VCL: variants seen among roughly 807,000 people sequenced by gnomAD.
The protein encoded by VCL is epididymis luminal protein 114.
VCL carries 47 observed loss-of-function variants against 125.7 expected under a neutral mutation model. The observed-to-expected ratio is 0.37, with a 90% CI of 0.30 to 0.48. The LOEUF (loss-of-function observed/expected upper bound fraction) is 0.48, where lower values mean the gene tolerates loss of function less well. Ranked by LOEUF, VCL falls within the 20% of genes least tolerant of loss-of-function variation. The pLI, the probability that VCL is intolerant of heterozygous loss-of-function variation, is 0.99. For synonymous variants in VCL, 458 were observed against 514.6 expected, an observed-to-expected ratio of 0.89 and a Z score of 1.49; for missense variants, 1,069 against 1,455.5, an observed-to-expected ratio of 0.73 and a Z score of 4.32.
chr10:74,088,216 C>A (rs1364101602), intron 8 of VCL, among the ~76,000 whole-genome samples: 3 of 152,066 alleles, frequency 2.0e-5, no homozygotes, highest in African/African-American at 7.2e-5. Flanking sequence ...AAAATGAGGG[C>A]AAATCATACT....
In VCL at chr10:74,074,312, T is replaced by G. The variant is rs115869010; in HGVS notation, c.623-431T>G. Among the ~76,000 whole-genome samples, 508 of 152,316 alleles carry G rather than the reference T, an allele frequency of 3.3e-3. 1 individual carries two copies. Among genetic ancestry groups the G allele is most frequent in the African/African-American group, 0.011 (474 of 41,572 alleles). ...TTGAGAGAAATCTCGGATGATAAAC[T>G]TGACATCTTGGGATCTTCTGCTGGG... On this transcript the variant is annotated intron_variant, in intron 5 of 21. Transcript: ENST00000211998.
At chr10:74,036,091 A>C (rs765010231) in intron 1 of VCL, among the ~76,000 whole-genome samples, 2 of 152,196 alleles carry the variant, frequency 1.3e-5, no homozygotes, top group Non-Finnish European at 2.9e-5. Flanking sequence ...AGACATGACT[A>C]TATTTATTAT....
intron 9 of VCL, 69 bp downstream of exon 9, chr10:74,089,418 C>A: frequency 6.3e-7 from 1 of 1,595,426 alleles, no homozygotes; most frequent in South Asian, 1.1e-5. Flanking sequence ...AATATCCTAT[C>A]TTTCTTCTCT....
chr10:74,096,179 T>C (rs1839966373), intron 12 of VCL, among the ~76,000 whole-genome samples: 1 of 151,598 alleles, frequency 6.6e-6, no homozygotes, highest in Non-Finnish European at 1.5e-5. Context: ...TGGACTTCTT[T>C]TTAAAACTTA....
In VCL at chr10:74,118,276, T is replaced by A. The variant is rs76086805; in HGVS notation, c.*107T>A. On this transcript the variant is annotated 3_prime_UTR_variant, in exon 22 of 22. Coordinates refer to ENST00000211998, the MANE Select transcript of VCL (RefSeq NM_014000.3). Reference sequence around the variant, plus strand: ...TGCTGGGAGCTGAAAAATCACATCCTGGCCTGGCACATCAGAAAGGAATGG... The same window carrying A: ...TGCTGGGAGCTGAAAAATCACATCCAGGCCTGGCACATCAGAAAGGAATGG... 814 of 1,420,736 alleles carry A rather than the reference T, an allele frequency of 5.7e-4. 5 individuals carry two copies. In the East Asian group the frequency reaches 0.017, roughly 29 times the overall value. 88.0% of individuals were successfully genotyped at this position (1,420,736 alleles called of 1,614,324 possible). A position where few individuals can be genotyped will look rare whatever the true frequency, so the allele number is the denominator to read the frequency against.
intron 1 of VCL, among the ~76,000 whole-genome samples, chr10:74,017,673 CT>C (rs1840576763): frequency 6.6e-6 from 1 of 151,948 alleles, no homozygotes. Flanking sequence ...CCACCTCAGC[CT>C]CCCAAGTAGC....
Position 74,097,566 on chromosome 10 carries a change from G to T in VCL, c.1872+234G>T, listed in dbSNP as rs952019048. On this transcript the variant is annotated intron_variant, in intron 13 of 21. Coordinates refer to ENST00000211998, the MANE Select transcript of VCL (RefSeq NM_014000.3). This position sits in a 1 kb window ranked among gnomAD's most constrained non-coding sequence, Gnocchi z 4.1. ...CTGACCATCAGAGATGAAAACAACC[G>T]GGTTTGTTTTCATCACAAACCAAGA... 6.6e-6 allele frequency among the ~76,000 whole-genome samples: 1 copy of T among 152,122 alleles called. No individual in the cohort carries two copies. The highest frequency in any genetic ancestry group is 2.4e-5 in the African/African-American group (1 of 41,430).
At chr10:74,004,488 A>C (rs560149913) in intron 1 of VCL, among the ~76,000 whole-genome samples, 2 of 152,306 alleles carry the variant, frequency 1.3e-5, no homozygotes, top group East Asian at 3.9e-4. Flanking sequence ...ACATCTACTT[A>C]GAGCAAAGTT....
intron 13 of VCL, among the ~76,000 whole-genome samples, chr10:74,100,555 A>G (rs1840035608): frequency 1.3e-5 from 2 of 152,168 alleles, no homozygotes; most frequent in South Asian, 4.1e-4. Context: ...CCTACAATAG[A>G]GCCTGGAGTG....
intron 1 of VCL, among the ~76,000 whole-genome samples, chr10:74,040,293 C>T (rs1181913448): frequency 6.6e-6 from 1 of 152,166 alleles, no homozygotes; most frequent in Non-Finnish European, 1.5e-5. Context: ...TCTCTACTAC[C>T]TAAACAGTAC....
At chr10:74,059,079 G>A (rs986040694) in intron 2 of VCL, among the ~76,000 whole-genome samples, 3 of 152,072 alleles carry the variant, frequency 2.0e-5, no homozygotes, top group Non-Finnish European at 4.4e-5. Context: ...AGGTAAAAAT[G>A]ACTCCTCCAG....
chr10:74,061,032 T>TTAACTAAAGTATCTAA (rs1239537135), intron 2 of VCL, among the ~76,000 whole-genome samples: 1 of 152,124 alleles, frequency 6.6e-6, no homozygotes, highest in Non-Finnish European at 1.5e-5. Context: ...AGTTGATTGA[T>TTAACTAAAGTATCTAA]TTAAATTATC....
chr10:74,059,314 C>T (rs1477712856), intron 2 of VCL, among the ~76,000 whole-genome samples: 1 of 151,792 alleles, frequency 6.6e-6, no homozygotes, highest in Admixed American at 6.6e-5. Context: ...TGAGATCGCA[C>T]CACTGCACTC....
chr10:74,035,446 A>G (rs1840956325), intron 1 of VCL, among the ~76,000 whole-genome samples: 1 of 152,214 alleles, frequency 6.6e-6, no homozygotes, highest in Non-Finnish European at 1.5e-5. Context: ...AGAGCTCTTC[A>G]AAAGAAACAG....
intron 2 of VCL, among the ~76,000 whole-genome samples, chr10:74,069,229 G>A (rs918556900): frequency 6.6e-6 from 1 of 151,686 alleles, no homozygotes; most frequent in Non-Finnish European, 1.5e-5. Context: ...TAGTAGAGAC[G>A]GGCTTTCACT....
intron 17 of VCL, 134 bp downstream of exon 17, chr10:74,107,488 C>T: frequency 2.1e-6 from 3 of 1,431,950 alleles, no homozygotes; most frequent in Non-Finnish European, 2.9e-6. Context: ...TAGTGGGAGG[C>T]AGATCTCGAT....
At chr10:74,086,825 C>T (rs1839787116) in intron 8 of VCL, among the ~76,000 whole-genome samples, 1 of 152,132 alleles carries the variant, frequency 6.6e-6, no homozygotes, top group Non-Finnish European at 1.5e-5. Flanking sequence ...TAAGTGTACC[C>T]AGCTGTTTAA....
At chr10:74,039,073 A>G (rs2136245977) in intron 1 of VCL, among the ~76,000 whole-genome samples, 1 of 151,848 alleles carries the variant, frequency 6.6e-6, no homozygotes, top group Middle Eastern at 3.4e-3. Flanking sequence ...CACCACGCCC[A>G]GCTAATTTTT....
rs549275362 is a variant in VCL at position 74,017,046 on chromosome 10, C to CTTTTTTTTTTTTTT, written c.168+18677_168+18690dup. Among the ~76,000 whole-genome samples the CTTTTTTTTTTTTTT allele has an allele frequency of 9.7e-5, 11 of 113,138 alleles. 1 individual carries two copies. Among genetic ancestry groups the CTTTTTTTTTTTTTT allele is most frequent in the African/African-American group, 3.3e-4 (8 of 24,282 alleles). The allele number at this position is 113,138 out of a possible 152,430, so 74.2% of individuals were successfully genotyped here. On this transcript the variant is annotated intron_variant, in intron 1 of 21. Coordinates refer to ENST00000211998, the MANE Select transcript of VCL (RefSeq NM_014000.3). ...TGTAGCATATGTCAGAATTTCCTTCCTTTTTTTTTTTTTTTTTTTGAGACG... is the reference window on the plus strand; with the variant it reads ...TGTAGCATATGTCAGAATTTCCTTCCTTTTTTTTTTTTTTTTTTTTTTTTTTTTTTTTTGAGACG...
Sources: allele counts gnomAD v4.1 joint callset (sites outside exome capture counted in the v4.1 genomes callset), GRCh38; gene constraint gnomAD v4.1.1; non-coding constraint Gnocchi (gnomAD v3.1); transcripts MANE v1.5; gene names NCBI Gene and HGNC (gene_info 2026-07-23, HGNC 2026-07-21).